Variants in RAB6B observed in about 807,000 individuals in gnomAD.
The protein encoded by RAB6B is RAB6B, member RAS oncogene family, also known as ras-related protein Rab-6B.
RAB6B carries 7 observed loss-of-function variants against 31.2 expected under a neutral mutation model. The observed-to-expected ratio is 0.22, with a 90% CI of 0.13 to 0.42. RAB6B has a LOEUF of 0.42. Among genes scored for constraint, RAB6B ranks in the 10% least tolerant of loss-of-function variants. The pLI is 1.00. For synonymous variants in RAB6B, 105 were observed against 104.9 expected (o/e 1.00, Z -0.01); for missense variants, 149 against 280.6 (o/e 0.53, Z 3.35).
chr3:133,856,611 T>C (rs1366670299), intron 2 of RAB6B, among the ~76,000 whole-genome samples: 2 of 152,204 alleles, frequency 1.3e-5, no homozygotes, highest in Non-Finnish European at 2.9e-5. Context: ...CAATGGGTAC[T>C]GGGTGAGCCC....
chr3:133,853,340 G>C (rs1243153186), intron 2 of RAB6B, among the ~76,000 whole-genome samples: 1 of 152,074 alleles, frequency 6.6e-6, no homozygotes, highest in African/African-American at 2.4e-5. Flanking sequence ...AGAGTGTGGG[G>C]GTAGGGAGGG....
intron 7 of RAB6B, among the ~76,000 whole-genome samples, chr3:133,830,651 A>G (rs1482339151): frequency 6.6e-6 from 1 of 152,082 alleles, no homozygotes; most frequent in Non-Finnish European, 1.5e-5. Flanking sequence ...TCACTTCCAC[A>G]TTAGACCTCG....
intron 1 of RAB6B, among the ~76,000 whole-genome samples, chr3:133,871,216 A>G (rs1936318818): frequency 6.6e-6 from 1 of 152,244 alleles, no homozygotes; most frequent in African/African-American, 2.4e-5. Context: ...CAAGCAGTCC[A>G]TATCCAGTGG....
At chr3:133,860,215 G>A (rs1160073388) in intron 2 of RAB6B, among the ~76,000 whole-genome samples, 1 of 152,206 alleles carries the variant, frequency 6.6e-6, no homozygotes, top group Non-Finnish European at 1.5e-5. Flanking sequence ...TTTGAAAATT[G>A]CAGTTTTGGA....
At chr3:133,860,367 G>T (rs1231666788) in intron 2 of RAB6B, among the ~76,000 whole-genome samples, 1 of 152,168 alleles carries the variant, frequency 6.6e-6, no homozygotes, top group Non-Finnish European at 1.5e-5. Context: ...GCGGAGAGTG[G>T]AGTGATACAG....
At chr3:133,887,549 C>T (rs1175372466) in intron 1 of RAB6B, among the ~76,000 whole-genome samples, 1 of 152,220 alleles carries the variant, frequency 6.6e-6, no homozygotes, top group African/African-American at 2.4e-5. Flanking sequence ...GGCTTGGCCT[C>T]ATACTCAGAG....
rs1048685419 is a variant in RAB6B, at chr3:133,826,458, G to A, written c.*2330C>T. On this transcript the variant is annotated 3_prime_UTR_variant, in exon 8 of 8. Coordinates refer to ENST00000285208, the MANE Select transcript of RAB6B (RefSeq NM_016577.4). ...AAAATCTACCATACGTTCATTCACT[G>A]AGACCCAGTGCAGATTCCTGTAAAT... 2.6e-5 allele frequency: 4 copies of A among 152,716 alleles called. No homozygotes were observed. The highest frequency in any genetic ancestry group is 2.0e-4 in the Admixed American group (3 of 15,304). The allele number at this position is 152,716 out of a possible 1,614,324, so 9.5% of individuals were successfully genotyped here. A position where few individuals can be genotyped will look rare whatever the true frequency, so the allele number is the denominator to read the frequency against.
At chr3:133,839,391 G>A (rs553593993) in intron 5 of RAB6B, 115 bp downstream of exon 5, 8 of 889,384 alleles carry the variant, frequency 9.0e-6, no homozygotes, top group Admixed American at 3.8e-5. Context: ...GACCTTTTCC[G>A]GATGCATGGT....
chr3:133,889,283 C>T (rs1205647337), intron 1 of RAB6B, among the ~76,000 whole-genome samples: 3 of 151,386 alleles, frequency 2.0e-5, no homozygotes, highest in Admixed American at 6.6e-5. Context: ...GGCCTGGCCC[C>T]GGCCAGTCTG....
At chr3:133,852,278 G>C (rs1049091591) in intron 2 of RAB6B, among the ~76,000 whole-genome samples, 2 of 152,142 alleles carry the variant, frequency 1.3e-5, no homozygotes, top group African/African-American at 4.8e-5. Context: ...ACACTCTCCA[G>C]GATGGTTTTA....
chr3:133,864,041 G>A (rs913569173), intron 2 of RAB6B, among the ~76,000 whole-genome samples: 4 of 151,916 alleles, frequency 2.6e-5, no homozygotes, highest in African/African-American at 9.7e-5. Context: ...AGAGGTCACC[G>A]CATCCAGCCT....
chr3:133,849,920 T>C (rs905993876), intron 2 of RAB6B, among the ~76,000 whole-genome samples: 1 of 152,196 alleles, frequency 6.6e-6, no homozygotes, highest in African/African-American at 2.4e-5. Context: ...TTCTAGCTCT[T>C]TGACATCATC....
intron 1 of RAB6B, among the ~76,000 whole-genome samples, chr3:133,866,985 G>A (rs1559909092): frequency 6.6e-6 from 1 of 152,214 alleles, no homozygotes; most frequent in Non-Finnish European, 1.5e-5. Context: ...TCTCCCCAGG[G>A]CCTCCAAGCA....
rs573616073 is a variant in RAB6B at position 133,879,916 on chromosome 3, C to T, written c.71-15274G>A. Reference sequence around the variant, plus strand: ...CTACATCCTTAGCACACACAGTTACCCTCTGCCATAGCTTCCCTGGAGAGC... The same window carrying T: ...CTACATCCTTAGCACACACAGTTACTCTCTGCCATAGCTTCCCTGGAGAGC... On this transcript the variant is annotated intron_variant, in intron 1 of 7. Transcript: ENST00000285208. Among the ~76,000 whole-genome samples the T allele has an allele frequency of 2.2e-4, 33 of 152,298 alleles. No individual in the cohort carries two copies. The South Asian group carries it at 6.9e-3, about 32-fold the overall frequency.
intron 7 of RAB6B, among the ~76,000 whole-genome samples, chr3:133,833,036 G>A (rs1707844171): frequency 6.6e-6 from 1 of 152,232 alleles, no homozygotes; most frequent in Non-Finnish European, 1.5e-5. Flanking sequence ...TTGGGAGCTG[G>A]TGGGATGGAG....
intron 6 of RAB6B, among the ~76,000 whole-genome samples, chr3:133,835,864 C>T (rs1187017372): frequency 2.0e-5 from 3 of 152,066 alleles, no homozygotes; most frequent in Non-Finnish European, 4.4e-5. Context: ...ACTGAATATG[C>T]CTGCACCTTG....
At chr3:133,872,395 C>T (rs568880909) in intron 1 of RAB6B, among the ~76,000 whole-genome samples, 2 of 152,396 alleles carry the variant, frequency 1.3e-5, no homozygotes, top group East Asian at 3.9e-4. Flanking sequence ...TGGGGTGAGG[C>T]CTGCACCATC....
At chr3:133,850,931 C>A (rs543886420) in intron 2 of RAB6B, among the ~76,000 whole-genome samples, 3 of 149,648 alleles carry the variant, frequency 2.0e-5, no homozygotes, top group Non-Finnish European at 4.4e-5. Context: ...ACACACCTCA[C>A]GCAAGGAAAT....
intron 1 of RAB6B, among the ~76,000 whole-genome samples, chr3:133,870,499 G>A (rs71331735): frequency 3.0e-4 from 46 of 152,324 alleles, no homozygotes; most frequent in Non-Finnish European, 5.3e-4. Flanking sequence ...TGGGGCTGGA[G>A]AGAATGGGGA....
Sources: gnomAD v4.1 joint callset for allele counts (sites outside exome capture counted in the v4.1 genomes callset) on GRCh38, gnomAD v4.1.1 for gene constraint, MANE v1.5 for transcripts, NCBI Gene and HGNC (gene_info 2026-07-23, HGNC 2026-07-21) for gene names.